Variants in MALRD1 observed in about 807,000 individuals in gnomAD.
MALRD1 encodes MAM and LDL-receptor class A domain-containing protein 1.
A neutral mutation model predicts 242.1 loss-of-function variants in MALRD1; 247 were observed. The ratio of observed to expected loss-of-function variants is 1.02; its 90% confidence interval spans 0.92 to 1.13. The LOEUF (loss-of-function observed/expected upper bound fraction) is 1.13, where lower values mean the gene tolerates loss of function less well. Ranked by LOEUF, MALRD1 falls within the 50% of genes most tolerant of loss-of-function variation. MALRD1 has a pLI of 0.00. For missense variants in MALRD1, 2,989 were observed against 2,533.1 expected, an observed-to-expected ratio of 1.18 and a Z score of -3.86; for synonymous variants, 995 against 866.6, an observed-to-expected ratio of 1.15 and a Z score of -2.60.
At chr10:19,516,584 T>G (rs1833636311) in intron 31 of MALRD1, among the ~76,000 whole-genome samples, 2 of 152,076 alleles carry the variant, frequency 1.3e-5, no homozygotes, top group Admixed American at 1.3e-4. Context: ...CTTTTAAGAT[T>G]TTTTCATTTG....
intron 23 of MALRD1, among the ~76,000 whole-genome samples, chr10:19,329,722 A>G (rs1843285852): frequency 6.6e-6 from 1 of 152,174 alleles, no homozygotes; most frequent in African/African-American, 2.4e-5. Flanking sequence ...TGTCTACCAA[A>G]TTTTAGAAAA....
chr10:19,603,680 C>CT (rs541785471), intron 34 of MALRD1, among the ~76,000 whole-genome samples: 27 of 152,200 alleles, frequency 1.8e-4, no homozygotes, highest in African/African-American at 6.0e-4. Context: ...AATGCGGGCC[C>CT]TTTTTTGGTT....
At chr10:19,647,743 G>A (rs139543809) in intron 36 of MALRD1, among the ~76,000 whole-genome samples, 47 of 152,224 alleles carry the variant, frequency 3.1e-4, no homozygotes, top group African/African-American at 9.4e-4. Flanking sequence ...AAGTCATTAC[G>A]TCAATAATAT....
intron 28 of MALRD1, among the ~76,000 whole-genome samples, chr10:19,426,983 C>T (rs536949944): frequency 1.1e-4 from 17 of 152,088 alleles, no homozygotes; most frequent in South Asian, 2.1e-4. Flanking sequence ...GTTTCTTTTC[C>T]GTAATGACTG....
intron 29 of MALRD1, among the ~76,000 whole-genome samples, chr10:19,476,939 T>A (rs200568784): frequency 1.1e-4 from 15 of 142,402 alleles, no homozygotes; most frequent in African/African-American, 3.1e-4. Context: ...TTAAAAAAAA[T>A]ATTTTCTACT....
intron 12 of MALRD1, among the ~76,000 whole-genome samples, chr10:19,161,193 A>G (rs376342416): frequency 1.5e-5 from 2 of 136,992 alleles, no homozygotes; most frequent in South Asian, 2.4e-4. Context: ...ATGAGTTCAT[A>G]TCCTTTGTAG....
chr10:19,271,533 G>C (rs746462282), intron 19 of MALRD1, among the ~76,000 whole-genome samples: 5 of 152,190 alleles, frequency 3.3e-5, no homozygotes, highest in Non-Finnish European at 7.3e-5. Context: ...GGGAGGCCGA[G>C]GCGGGCAGAT....
intron 29 of MALRD1, among the ~76,000 whole-genome samples, chr10:19,466,523 C>T (rs1454091663): frequency 6.6e-6 from 1 of 152,170 alleles, no homozygotes; most frequent in Admixed American, 6.5e-5. Context: ...AACTTTCTCA[C>T]AGTTCTGGAG....
intron 19 of MALRD1, among the ~76,000 whole-genome samples, chr10:19,271,536 G>T (rs755261082): frequency 2.0e-5 from 3 of 152,068 alleles, no homozygotes; most frequent in Non-Finnish European, 2.9e-5. Context: ...AGGCCGAGGC[G>T]GGCAGATCAC....
At chr10:19,276,795 TAA>T (rs752982440) in intron 19 of MALRD1, among the ~76,000 whole-genome samples, 1 of 152,220 alleles carries the variant, frequency 6.6e-6, no homozygotes, top group Non-Finnish European at 1.5e-5. Flanking sequence ...GGATGTGAGA[TAA>T]AGTTTCCAAC....
At chr10:19,096,871 C>G (rs1836056234) in intron 4 of MALRD1, among the ~76,000 whole-genome samples, 1 of 152,144 alleles carries the variant, frequency 6.6e-6, no homozygotes, top group African/African-American at 2.4e-5. Flanking sequence ...TTGGAGAAAG[C>G]CTCTGCAGCT....
intron 1 of MALRD1, among the ~76,000 whole-genome samples, chr10:19,055,150 G>A (rs1834624562): frequency 6.6e-6 from 1 of 152,050 alleles, no homozygotes; most frequent in South Asian, 2.1e-4. Context: ...CCTAAGATTA[G>A]TAATACTGAA....
At chr10:19,586,969 G>T (rs1837451366) in intron 33 of MALRD1, among the ~76,000 whole-genome samples, 1 of 152,228 alleles carries the variant, frequency 6.6e-6, no homozygotes, top group Admixed American at 6.5e-5. Flanking sequence ...GCAGTATTTG[G>T]GTGGGAGTGA....
At chr10:19,314,462 G>A (rs1232132851) in intron 21 of MALRD1, among the ~76,000 whole-genome samples, 1 of 151,592 alleles carries the variant, frequency 6.6e-6, no homozygotes, top group East Asian at 1.9e-4. Context: ...GAGGCATAGA[G>A]AAATGAAAAG....
chr10:19,509,311 C>T (rs1379253067), intron 31 of MALRD1, among the ~76,000 whole-genome samples: 1 of 152,152 alleles, frequency 6.6e-6, no homozygotes, highest in Non-Finnish European at 1.5e-5. Flanking sequence ...ATCTGATTGA[C>T]TATAGCTAGG....
intron 34 of MALRD1, among the ~76,000 whole-genome samples, chr10:19,596,872 G>A (rs1172042490): frequency 6.6e-6 from 1 of 151,656 alleles, no homozygotes; most frequent in Admixed American, 6.6e-5. Context: ...AGGAAGGAAG[G>A]AAGGAAGGAA....
chr10:19,566,194 T>A (rs1402855584), intron 32 of MALRD1, among the ~76,000 whole-genome samples: 1 of 151,958 alleles, frequency 6.6e-6, no homozygotes, highest in Non-Finnish European at 1.5e-5. Context: ...AGTGGCATGA[T>A]CTCCTCTCAC....
At chr10:19,360,996 G>T (rs1844870478) in intron 26 of MALRD1, among the ~76,000 whole-genome samples, 1 of 151,826 alleles carries the variant, frequency 6.6e-6, no homozygotes. Context: ...AAGCACCATT[G>T]CCTAAACAAG....
intron 28 of MALRD1, among the ~76,000 whole-genome samples, chr10:19,414,438 A>C (rs1411232253): frequency 6.6e-6 from 1 of 152,164 alleles, no homozygotes; most frequent in African/African-American, 2.4e-5. Flanking sequence ...TTTTTATTTG[A>C]GTTATTGGGG....
Sources: allele counts gnomAD v4.1 joint callset (sites outside exome capture counted in the v4.1 genomes callset), GRCh38; gene constraint gnomAD v4.1.1; transcripts MANE v1.5; gene names NCBI Gene and HGNC (gene_info 2026-07-23, HGNC 2026-07-21).